The following HYCC1 variants were observed in gnomAD, a reference collection of about 807,000 sequenced individuals.
The protein encoded by HYCC1 is hyccin PI4KA lipid kinase complex subunit 1.
chr7:22,926,444 C>T, the HYCC1 span, among the ~76,000 whole-genome samples: 8 of 152,098 alleles, frequency 5.3e-5, no homozygotes, highest in African/African-American at 1.7e-4. Context: ...ACTCATCTCA[C>T]GTGCAGAGAC....
the HYCC1 span, among the ~76,000 whole-genome samples, chr7:22,995,691 A>T: frequency 6.7e-6 from 1 of 150,010 alleles, no homozygotes. Flanking sequence ...ATAGGAGATA[A>T]AGTTTCCTTA....
At chr7:22,910,161 G>A in the HYCC1 span, among the ~76,000 whole-genome samples, 2 of 152,214 alleles carry the variant, frequency 1.3e-5, no homozygotes, top group Non-Finnish European at 2.9e-5. Context: ...CAAATCTCAT[G>A]TTGAAATGTG....
At chr7:22,966,180 A>G in the HYCC1 span, among the ~76,000 whole-genome samples, 13 of 152,370 alleles carry the variant, frequency 8.5e-5, 1 homozygote, top group Admixed American at 5.2e-4. Context: ...AAAGTACATT[A>G]AAAAGTCATA....
the HYCC1 span, among the ~76,000 whole-genome samples, chr7:22,979,711 A>G: frequency 6.6e-6 from 1 of 152,184 alleles, no homozygotes. Flanking sequence ...CAAAATTATG[A>G]AATCTTATTT....
chr7:22,919,396 G>A, the HYCC1 span, among the ~76,000 whole-genome samples: 1 of 152,112 alleles, frequency 6.6e-6, no homozygotes, highest in African/African-American at 2.4e-5. Context: ...AGGTGTGGTG[G>A]CACGTGCCTG....
chr7:22,961,006 G>A, the HYCC1 span, among the ~76,000 whole-genome samples: 1,057 of 152,300 alleles, frequency 6.9e-3, 13 homozygotes, highest in Non-Finnish European at 8.2e-3. Context: ...AGCCGAGATC[G>A]TGCCATTGCA....
the HYCC1 span, chr7:22,935,988 G>C: frequency 6.8e-6 from 1 of 147,814 alleles, no homozygotes; most frequent in South Asian, 2.2e-4. Context: ...GGATTATCTA[G>C]TTGCCAATGG....
chr7:22,924,241 A>C, the HYCC1 span, among the ~76,000 whole-genome samples: 103 of 151,470 alleles, frequency 6.8e-4, no homozygotes, highest in Non-Finnish European at 1.2e-3. Context: ...TGCAGCCTAC[A>C]GCTCCCAGCA....
the HYCC1 span, among the ~76,000 whole-genome samples, chr7:22,980,274 GTT>G: frequency 6.8e-6 from 1 of 146,270 alleles, no homozygotes; most frequent in African/African-American, 2.5e-5. Flanking sequence ...ATTTTTTAAT[GTT>G]TTTTTTTTTT....
the HYCC1 span, among the ~76,000 whole-genome samples, chr7:22,929,773 A>C: frequency 6.6e-6 from 1 of 152,206 alleles, no homozygotes; most frequent in Admixed American, 6.5e-5. Flanking sequence ...CCATTGTGGA[A>C]GTCAGTGTGG....
chr7:22,948,544 T>A, the HYCC1 span, among the ~76,000 whole-genome samples: 1 of 152,048 alleles, frequency 6.6e-6, no homozygotes, highest in Non-Finnish European at 1.5e-5. Context: ...TGTAACAAAG[T>A]CTGGGAACCA....
chr7:22,907,059 C>G, the HYCC1 span, among the ~76,000 whole-genome samples: 1 of 135,902 alleles, frequency 7.4e-6, no homozygotes, highest in South Asian at 2.3e-4. Flanking sequence ...AAGCCGAGAT[C>G]GTGCCACTGC....
the HYCC1 span, among the ~76,000 whole-genome samples, chr7:22,986,916 G>A: frequency 6.6e-6 from 1 of 152,074 alleles, no homozygotes; most frequent in Non-Finnish European, 1.5e-5. Flanking sequence ...TTTGACAGAT[G>A]GTTTTTCAAA....
At chr7:22,957,141 T>G in the HYCC1 span, among the ~76,000 whole-genome samples, 1 of 151,922 alleles carries the variant, frequency 6.6e-6, no homozygotes, top group East Asian at 1.9e-4. Flanking sequence ...AATTGAAAGA[T>G]TCTTCTGTTA....
At chr7:22,971,479 C>T in the HYCC1 span, among the ~76,000 whole-genome samples, 5 of 150,522 alleles carry the variant, frequency 3.3e-5, no homozygotes, top group East Asian at 3.9e-4. Context: ...GTTTGAGACC[C>T]GCCTGGGCAA....
chr7:22,997,493 A>G, the HYCC1 span, among the ~76,000 whole-genome samples: 1 of 152,202 alleles, frequency 6.6e-6, no homozygotes, highest in Non-Finnish European at 1.5e-5. Context: ...TGCTGTAGTT[A>G]AATTAAGCGC....
At chr7:22,953,010 A>G in the HYCC1 span, among the ~76,000 whole-genome samples, 10,404 of 152,090 alleles carry the variant, frequency 0.068, 499 homozygotes, top group Admixed American at 0.13. Context: ...AGCAGTTTCC[A>G]TAAGAGATAA....
chr7:22,969,318 T>TTG, the HYCC1 span, among the ~76,000 whole-genome samples: 4,544 of 148,456 alleles, frequency 0.031, 191 homozygotes, highest in African/African-American at 0.096. Context: ...CCTGTTTATT[T>TTG]TGTGTGTGTG....
At chr7:23,006,586 C>T in the HYCC1 span, among the ~76,000 whole-genome samples, 2 of 152,128 alleles carry the variant, frequency 1.3e-5, no homozygotes, top group African/African-American at 4.8e-5. Flanking sequence ...ACTTTTAAGG[C>T]TTACATTATT....
Sources: allele counts gnomAD v4.1 joint callset (sites outside exome capture counted in the v4.1 genomes callset), GRCh38; gene constraint gnomAD v4.1.1; transcripts MANE v1.5; gene names NCBI Gene and HGNC (gene_info 2026-07-23, HGNC 2026-07-21).